Variants in ADGRB3 observed in about 807,000 individuals in gnomAD.
ADGRB3 encodes adhesion G protein-coupled receptor B3.
A neutral mutation model predicts 193.4 loss-of-function variants in ADGRB3; 37 were observed. That is an observed-to-expected ratio of 0.19 (90% CI 0.15 to 0.25). The LOEUF (loss-of-function observed/expected upper bound fraction) is 0.25. Ranked by LOEUF, ADGRB3 falls within the 10% of genes least tolerant of loss-of-function variation. ADGRB3 has a pLI of 1.00. For missense variants in ADGRB3, 1,637 were observed against 1,852.9 expected, an observed-to-expected ratio of 0.88 and a Z score of 2.14; for synonymous variants, 690 against 644.2, an observed-to-expected ratio of 1.07 and a Z score of -1.08.
chr6:68,653,212 C>G (rs1303938735), intron 3 of ADGRB3, among the ~76,000 whole-genome samples: 1 of 152,164 alleles, frequency 6.6e-6, no homozygotes, highest in African/African-American at 2.4e-5. Context: ...AGCCTCTGCT[C>G]TAAGCCTTTG....
chr6:68,847,066 T>C (rs1248038033), intron 3 of ADGRB3, among the ~76,000 whole-genome samples: 1 of 152,190 alleles, frequency 6.6e-6, no homozygotes, highest in African/African-American at 2.4e-5. Context: ...GTGATCATTT[T>C]GGAGCTTTCA....
In ADGRB3 at chr6:69,389,427, A is replaced by G. The variant is rs748819682; in HGVS notation, c.*536A>G. 5.3e-4 allele frequency: 81 copies of G among 152,740 alleles called. 1 individual carries two copies. Among genetic ancestry groups the G allele is most frequent in the South Asian group, 8.3e-4 (4 of 4,828 alleles). 9.5% of individuals were successfully genotyped at this position (152,740 alleles called of 1,614,324 possible). A position where few individuals can be genotyped will look rare whatever the true frequency, so the allele number is the denominator to read the frequency against. On this transcript the variant is annotated 3_prime_UTR_variant, in exon 32 of 32. Coordinates refer to ENST00000370598, the MANE Select transcript of ADGRB3 (RefSeq NM_001704.3). Reference sequence around the variant, plus strand: ...TTTATTATTGCAGTTTTCTCTAGAAAGCTCTGAGAAGCTTTCTCTGCTGCA... The same window carrying G: ...TTTATTATTGCAGTTTTCTCTAGAAGGCTCTGAGAAGCTTTCTCTGCTGCA...
intron 20 of ADGRB3, among the ~76,000 whole-genome samples, chr6:69,288,291 T>C (rs1338809715): frequency 6.6e-6 from 1 of 152,190 alleles, no homozygotes; most frequent in Non-Finnish European, 1.5e-5. Context: ...AGTGAGAACA[T>C]GCGGTGTTTG....
At chr6:68,797,037 C>G (rs1424064938) in intron 3 of ADGRB3, among the ~76,000 whole-genome samples, 1 of 152,118 alleles carries the variant, frequency 6.6e-6, no homozygotes, top group Non-Finnish European at 1.5e-5. Flanking sequence ...GTTAAAATGT[C>G]TACATTTCCT....
intron 5 of ADGRB3, among the ~76,000 whole-genome samples, chr6:68,937,347 A>G (rs1328150310): frequency 2.6e-5 from 4 of 152,198 alleles, no homozygotes; most frequent in Non-Finnish European, 5.9e-5. Flanking sequence ...GCACGCATGC[A>G]TATTATAGAC....
intron 3 of ADGRB3, among the ~76,000 whole-genome samples, chr6:68,833,461 A>T (rs1009667791): frequency 3.3e-5 from 5 of 151,690 alleles, no homozygotes; most frequent in Admixed American, 1.3e-4. Context: ...GGTCAAGTTT[A>T]AAATTTGAAA....
At chr6:69,355,072 A>G (rs1377594331) in intron 27 of ADGRB3, among the ~76,000 whole-genome samples, 24 of 152,210 alleles carry the variant, frequency 1.6e-4, no homozygotes, top group Admixed American at 1.6e-3. Context: ...TTTACAAAGA[A>G]TAATCAACTC....
At chr6:68,643,609 T>G (rs1768135202) in intron 3 of ADGRB3, among the ~76,000 whole-genome samples, 1 of 151,918 alleles carries the variant, frequency 6.6e-6, no homozygotes, top group Admixed American at 6.6e-5. Context: ...TTTTCTAGCA[T>G]TCACCATATT....
At chr6:68,849,102 T>A (rs778138546) in intron 3 of ADGRB3, among the ~76,000 whole-genome samples, 15 of 152,094 alleles carry the variant, frequency 9.9e-5, no homozygotes, top group Non-Finnish European at 1.8e-4. Context: ...TCGGAAGGTT[T>A]TGAAAAGGAA....
chr6:68,924,563 A>T (rs1414967825), intron 3 of ADGRB3, among the ~76,000 whole-genome samples: 1 of 151,814 alleles, frequency 6.6e-6, no homozygotes, highest in Non-Finnish European at 1.5e-5. Context: ...AACATTGAAA[A>T]CTCTTGAACA....
At chr6:68,812,227 T>C (rs1383271095) in intron 3 of ADGRB3, among the ~76,000 whole-genome samples, 1 of 152,178 alleles carries the variant, frequency 6.6e-6, no homozygotes, top group East Asian at 1.9e-4. Context: ...GAGCTTGAAA[T>C]GCCAGGCTAA....
intron 3 of ADGRB3, among the ~76,000 whole-genome samples, chr6:68,778,607 A>G (rs1438426219): frequency 1.3e-5 from 2 of 152,074 alleles, no homozygotes; most frequent in Non-Finnish European, 2.9e-5. Context: ...GGCAGTTCCA[A>G]TTGTTTGCTT....
At chr6:69,048,432 A>C in intron 14 of ADGRB3, 98 bp downstream of exon 14, 2 of 1,205,326 alleles carry the variant, frequency 1.7e-6, no homozygotes, top group Non-Finnish European at 2.3e-6. Context: ...AACAGTTTAG[A>C]AATAGTCTGT....
chr6:69,174,359 TC>T (rs1775367432), intron 17 of ADGRB3, among the ~76,000 whole-genome samples: 1 of 152,220 alleles, frequency 6.6e-6, no homozygotes, highest in South Asian at 2.1e-4. Context: ...AGTATTTGGT[TC>T]CCTGTTCCTG....
intron 3 of ADGRB3, among the ~76,000 whole-genome samples, chr6:68,926,877 C>T (rs1454681065): frequency 2.6e-5 from 4 of 152,064 alleles, no homozygotes; most frequent in East Asian, 1.9e-4. Flanking sequence ...TAATGATCTA[C>T]TTACATATTC....
At chr6:69,187,677 C>T (rs946638298) in intron 17 of ADGRB3, among the ~76,000 whole-genome samples, 11 of 152,296 alleles carry the variant, frequency 7.2e-5, no homozygotes, top group African/African-American at 2.6e-4. Flanking sequence ...ACTTCTGTTT[C>T]AACACAAATC....
intron 3 of ADGRB3, among the ~76,000 whole-genome samples, chr6:68,897,405 AGAGG>A (rs1187138341): frequency 1.2e-4 from 15 of 127,888 alleles, no homozygotes; most frequent in East Asian, 5.4e-4. Flanking sequence ...AAAGAGAGAG[AGAGG>A]GAGGGAGGGA....
chr6:68,638,538 T>C (rs2127274095), intron 2 of ADGRB3, 123 bp from the exon 3 acceptor site: 1 of 1,019,534 alleles, frequency 9.8e-7, no homozygotes, highest in East Asian at 2.5e-5. Flanking sequence ...TTACCTGCCC[T>C]TCTTTTAAAA....
chr6:69,282,461 A>T (rs929349767), intron 20 of ADGRB3, among the ~76,000 whole-genome samples: 7 of 152,208 alleles, frequency 4.6e-5, no homozygotes, highest in African/African-American at 1.7e-4. Context: ...GTCAAAAGTG[A>T]ATTGAAATAT....
Sources: allele counts gnomAD v4.1 joint callset (sites outside exome capture counted in the v4.1 genomes callset), GRCh38; gene constraint gnomAD v4.1.1; transcripts MANE v1.5; gene names NCBI Gene and HGNC (gene_info 2026-07-23, HGNC 2026-07-21).